HS3ST4: variants seen among roughly 807,000 people sequenced by gnomAD.
The protein encoded by HS3ST4 is heparan sulfate-glucosamine 3-sulfotransferase 4, also known as heparan sulfate glucosamine 3-O-sulfotransferase 4.
Under a neutral mutation model 29.2 loss-of-function variants are expected in HS3ST4, and 17 were observed. That is an observed-to-expected ratio of 0.58 (90% confidence interval 0.40 to 0.87). HS3ST4 has a LOEUF of 0.87. Ranked by LOEUF, HS3ST4 falls within the 40% of genes least tolerant of loss-of-function variation. The pLI, the probability that HS3ST4 is intolerant of heterozygous loss-of-function variation, is 0.00. For synonymous variants in HS3ST4, 314 were observed against 285.7 expected (o/e 1.10, Z -1.00); for missense variants, 627 against 634.5 (o/e 0.99, Z 0.13).
At chr16:26,072,230 G>C (rs186526841) in intron 1 of HS3ST4, among the ~76,000 whole-genome samples, 14 of 152,258 alleles carry the variant, frequency 9.2e-5, no homozygotes, top group African/African-American at 2.6e-4. Context: ...ACATTTGAAT[G>C]AACTATTTGT....
At chr16:25,705,299 A>G (rs935613454) in intron 1 of HS3ST4, among the ~76,000 whole-genome samples, 1 of 152,186 alleles carries the variant, frequency 6.6e-6, no homozygotes, top group South Asian at 2.1e-4. Context: ...GAGATGAGGA[A>G]ATATTTGAGT....
chr16:25,738,300 T>C (rs1007520806), intron 1 of HS3ST4, among the ~76,000 whole-genome samples: 4 of 152,150 alleles, frequency 2.6e-5, no homozygotes, highest in Admixed American at 2.6e-4. Flanking sequence ...CAGCTAAGCA[T>C]TTATGACTAT....
chr16:25,776,684 C>T (rs1368991143), intron 1 of HS3ST4, among the ~76,000 whole-genome samples: 1 of 152,174 alleles, frequency 6.6e-6, no homozygotes, highest in Non-Finnish European at 1.5e-5. Flanking sequence ...TGATCAGATA[C>T]CGTGGTCAGT....
chr16:25,929,621 T>C (rs1207336719), intron 1 of HS3ST4, among the ~76,000 whole-genome samples: 3 of 152,130 alleles, frequency 2.0e-5, no homozygotes, highest in Admixed American at 2.0e-4. Flanking sequence ...TGATTTGGGC[T>C]CTACTCTGTG....
intron 1 of HS3ST4, among the ~76,000 whole-genome samples, chr16:26,044,444 G>T (rs560366247): frequency 3.2e-4 from 49 of 152,294 alleles, no homozygotes; most frequent in African/African-American, 1.1e-3. Flanking sequence ...AACTATGAAG[G>T]TTGGCGGAGC....
chr16:25,911,438 C>A (rs1407618908), intron 1 of HS3ST4, among the ~76,000 whole-genome samples: 1 of 151,374 alleles, frequency 6.6e-6, no homozygotes, highest in African/African-American at 2.4e-5. Flanking sequence ...TCCTTGTCTC[C>A]ATCTCCCATT....
In HS3ST4 at chr16:25,692,100, G is replaced by A. The variant is rs1966251336; in HGVS notation, c.-318G>A. Reference sequence around the variant, plus strand: ...CGGGGAAGCGGGGGCGCTGCAGACGGAGCAGGTGCCGCCGGCGGGTCCGCG... The same window carrying A: ...CGGGGAAGCGGGGGCGCTGCAGACGAAGCAGGTGCCGCCGGCGGGTCCGCG... On this transcript the variant is annotated 5_prime_UTR_variant, in exon 1 of 2. Transcript: ENST00000331351. 1 of 150,804 alleles carries A rather than the reference G, an allele frequency of 6.6e-6. No homozygotes were observed. Among genetic ancestry groups the A allele is most frequent in the African/African-American group, 2.4e-5 (1 of 41,138 alleles). The allele number at this position is 150,804 out of a possible 1,614,324, so 9.3% of individuals were successfully genotyped here.
chr16:25,860,673 A>G (rs1388600440), intron 1 of HS3ST4, among the ~76,000 whole-genome samples: 1 of 152,216 alleles, frequency 6.6e-6, no homozygotes, highest in East Asian at 1.9e-4. Flanking sequence ...TGGCAAAACT[A>G]TAGAGATAGT....
intron 1 of HS3ST4, among the ~76,000 whole-genome samples, chr16:26,007,657 C>G (rs1020578621): frequency 2.6e-5 from 4 of 152,224 alleles, no homozygotes; most frequent in Non-Finnish European, 5.9e-5. Flanking sequence ...GCCATTTCCT[C>G]CCTTCCTGAT....
chr16:25,847,379 CA>C (rs1967476909), intron 1 of HS3ST4, among the ~76,000 whole-genome samples: 1 of 152,092 alleles, frequency 6.6e-6, no homozygotes. Context: ...CTATTAATTT[CA>C]AAAATTAAGT....
intron 1 of HS3ST4, among the ~76,000 whole-genome samples, chr16:25,749,090 A>G (rs1348830377): frequency 6.6e-6 from 1 of 152,232 alleles, no homozygotes; most frequent in Non-Finnish European, 1.5e-5. Flanking sequence ...AGACTCTTAA[A>G]TAATAACAAT....
chr16:25,921,647 T>C (rs1321261046), intron 1 of HS3ST4, among the ~76,000 whole-genome samples: 1 of 152,176 alleles, frequency 6.6e-6, no homozygotes, highest in Non-Finnish European at 1.5e-5. Context: ...CAGGAAAACT[T>C]TTTGGTGCCA....
rs147578126 is a variant in HS3ST4, at chr16:25,733,254, G to A, written c.734+40103G>A. Among the ~76,000 whole-genome samples, 58 of 152,198 alleles carry A rather than the reference G, an allele frequency of 3.8e-4. 1 individual carries two copies. The highest frequency in any genetic ancestry group is 1.2e-3 in the African/African-American group (50 of 41,522). ...TTTCTATCTTTGGTTATTATTTATC[G>A]GAATAATCTTGATTCTTTATTTCCC... On this transcript the variant is annotated intron_variant, in intron 1 of 1. Coordinates refer to ENST00000331351, the MANE Select transcript of HS3ST4 (RefSeq NM_006040.3).
chr16:26,040,063 C>T (rs1164299533), intron 1 of HS3ST4, among the ~76,000 whole-genome samples: 1 of 152,138 alleles, frequency 6.6e-6, no homozygotes, highest in African/African-American at 2.4e-5. Context: ...CTCTAAAAAG[C>T]CTGCAGAAAC....
intron 1 of HS3ST4, among the ~76,000 whole-genome samples, chr16:25,784,909 A>G (rs556177237): frequency 2.0e-5 from 3 of 152,352 alleles, no homozygotes; most frequent in East Asian, 1.9e-4. Context: ...GGAGAAGTCA[A>G]TGCCTGGCTT....
At chr16:25,979,263 T>G (rs1393897867) in intron 1 of HS3ST4, among the ~76,000 whole-genome samples, 1 of 152,164 alleles carries the variant, frequency 6.6e-6, no homozygotes, top group East Asian at 1.9e-4. Flanking sequence ...TTCTTGGATA[T>G]TCTATAACAG....
intron 1 of HS3ST4, among the ~76,000 whole-genome samples, chr16:25,753,242 A>G (rs1966733129): frequency 1.3e-5 from 2 of 152,358 alleles, no homozygotes; most frequent in South Asian, 4.1e-4. Flanking sequence ...AGGCTGATTC[A>G]ATAGCAGAAC....
At chr16:26,090,980 G>A (rs7200939) in intron 1 of HS3ST4, among the ~76,000 whole-genome samples, 82,084 of 151,860 alleles carry the variant, frequency 0.54, 22,923 homozygotes, top group African/African-American at 0.67. Flanking sequence ...TGGTGTATAG[G>A]GTCAATATTA....
chr16:26,124,108 C>T (rs777820373), intron 1 of HS3ST4, among the ~76,000 whole-genome samples: 1 of 151,924 alleles, frequency 6.6e-6, no homozygotes, highest in Admixed American at 6.6e-5. Flanking sequence ...TTAGTAGAGA[C>T]GGGGTTTCTC....
Sources: allele counts gnomAD v4.1 joint callset (sites outside exome capture counted in the v4.1 genomes callset), GRCh38; gene constraint gnomAD v4.1.1; transcripts MANE v1.5; gene names NCBI Gene and HGNC (gene_info 2026-07-23, HGNC 2026-07-21).